The following OR51B5 variants were observed in gnomAD, a reference collection of about 807,000 sequenced individuals.
OR51B5 encodes olfactory receptor 51B5.
For synonymous variants in OR51B5, 186 were observed against 144.8 expected, an observed-to-expected ratio of 1.28 and a Z score of -2.04; for missense variants, 456 against 374.6, an observed-to-expected ratio of 1.22 and a Z score of -1.79.
intron 1 of OR51B5, chr11:5,454,571 A>C (rs1475609487): frequency 1.9e-5 from 12 of 641,016 alleles, no homozygotes; most frequent in Non-Finnish European, 2.9e-5. Context: ...TTATAACACA[A>C]AACAAGGAGT....
At chr11:5,409,061 G>A (rs902713747) in intron 1 of OR51B5, among the ~76,000 whole-genome samples, 1 of 152,106 alleles carries the variant, frequency 6.6e-6, no homozygotes, top group East Asian at 1.9e-4. Context: ...TGACTTCTAA[G>A]CAGGATGTTG....
At chr11:5,389,703 A>G (rs778490793) in intron 1 of OR51B5, 1 of 1,613,744 alleles carries the variant, frequency 6.2e-7, no homozygotes, top group Non-Finnish European at 8.5e-7. Flanking sequence ...TTTAACTCCC[A>G]TAGTATCTAC....
intron 1 of OR51B5, among the ~76,000 whole-genome samples, chr11:5,457,847 T>G (rs192219007): frequency 6.6e-6 from 1 of 152,288 alleles, no homozygotes; most frequent in East Asian, 1.9e-4. Flanking sequence ...AAACTGTTTA[T>G]AGATTCTGGA....
intron 1 of OR51B5, among the ~76,000 whole-genome samples, chr11:5,456,872 G>C (rs1230289963): frequency 6.6e-6 from 1 of 152,142 alleles, no homozygotes; most frequent in Non-Finnish European, 1.5e-5. Flanking sequence ...TAGTGAGTGA[G>C]TTCTCATGAA....
chr11:5,452,635 T>G (rs1850874705), intron 1 of OR51B5, among the ~76,000 whole-genome samples: 1 of 150,818 alleles, frequency 6.6e-6, no homozygotes, highest in Non-Finnish European at 1.5e-5. Flanking sequence ...AGCGTCTTCT[T>G]AGACTATGAA....
chr11:5,478,932 ACT>A (rs1851364964), intron 1 of OR51B5, among the ~76,000 whole-genome samples: 1 of 151,122 alleles, frequency 6.6e-6, no homozygotes, highest in Non-Finnish European at 1.5e-5. Flanking sequence ...GTTGGAAAAC[ACT>A]CTGCAGGATA....
chr11:5,396,055 C>G (rs750962524), intron 1 of OR51B5, among the ~76,000 whole-genome samples: 111 of 152,138 alleles, frequency 7.3e-4, no homozygotes, highest in Admixed American at 2.2e-3. Context: ...TTTGCACAAT[C>G]ATAGAGTGAA....
At chr11:5,374,595 G>C (rs1849494958) in intron 1 of OR51B5, among the ~76,000 whole-genome samples, 2 of 152,138 alleles carry the variant, frequency 1.3e-5, no homozygotes, top group African/African-American at 4.8e-5. Flanking sequence ...AAAAAATTTA[G>C]ATGAATGTAT....
intron 1 of OR51B5, among the ~76,000 whole-genome samples, chr11:5,424,531 C>T (rs1490571531): frequency 6.6e-6 from 1 of 152,048 alleles, no homozygotes; most frequent in Non-Finnish European, 1.5e-5. Flanking sequence ...TCCCAGTACA[C>T]AGGTAGGCAT....
At chr11:5,423,906 C>T (rs1498473) in intron 1 of OR51B5, among the ~76,000 whole-genome samples, 57,983 of 151,794 alleles carry the variant, frequency 0.38, 11,641 homozygotes, top group East Asian at 0.7. Flanking sequence ...CATTTTTTTT[C>T]CGGACCAGAG....
intron 1 of OR51B5, among the ~76,000 whole-genome samples, chr11:5,479,493 T>C (rs1415129209): frequency 2.9e-4 from 44 of 149,978 alleles, no homozygotes; most frequent in African/African-American, 1.0e-3. Flanking sequence ...AATGACAGGA[T>C]CAAATTCACA....
At chr11:5,416,554 A>C (rs1276977759) in intron 1 of OR51B5, among the ~76,000 whole-genome samples, 4 of 151,658 alleles carry the variant, frequency 2.6e-5, no homozygotes, top group Non-Finnish European at 4.4e-5. Flanking sequence ...AAATCTCCTT[A>C]AGCTGATAAG....
intron 1 of OR51B5, among the ~76,000 whole-genome samples, chr11:5,364,767 T>TC (rs1849341049): frequency 2.6e-5 from 4 of 152,144 alleles, no homozygotes; most frequent in East Asian, 1.9e-4. Flanking sequence ...GTTTACAGGG[T>TC]CCCCCCACCC....
chr11:5,496,485 C>A (rs776717379), intron 1 of OR51B5, among the ~76,000 whole-genome samples: 3 of 152,122 alleles, frequency 2.0e-5, no homozygotes, highest in Non-Finnish European at 2.9e-5. Context: ...ACTCCGATGA[C>A]ATTCTTGTGT....
At chr11:5,460,601 A>G (rs901533319) in intron 1 of OR51B5, among the ~76,000 whole-genome samples, 33 of 95,556 alleles carry the variant, frequency 3.5e-4, no homozygotes, top group Non-Finnish European at 7.1e-4. Flanking sequence ...CAATCAGGTT[A>G]AGAACCATTG....
At chr11:5,389,518 C>T in intron 1 of OR51B5, 2 of 1,614,002 alleles carry the variant, frequency 1.2e-6, no homozygotes, top group Non-Finnish European at 1.7e-6. Context: ...ACTGGATTTT[C>T]ATCCCCTTTT....
intron 1 of OR51B5, among the ~76,000 whole-genome samples, chr11:5,366,059 G>T (rs78017006): frequency 0.24 from 35,856 of 151,112 alleles, 4,436 homozygotes; most frequent in Non-Finnish European, 0.26. Context: ...CAGCATGTTT[G>T]GGGGCTGTTA....
At chr11:5,468,104 TATG>T (rs1182177074) in intron 1 of OR51B5, among the ~76,000 whole-genome samples, 1 of 152,246 alleles carries the variant, frequency 6.6e-6, no homozygotes, top group Non-Finnish European at 1.5e-5. Context: ...TCTGGGTTGA[TATG>T]ATCTCAGGTA....
At chr11:5,401,746 T>A (rs2736528) in intron 1 of OR51B5, among the ~76,000 whole-genome samples, 114,603 of 151,946 alleles carry the variant, frequency 0.75, 44,983 homozygotes, top group Non-Finnish European at 0.87. Context: ...CCACACCAAC[T>A]CAAGGCAGTC....
Sources: gnomAD v4.1 joint callset for allele counts (sites outside exome capture counted in the v4.1 genomes callset) on GRCh38, gnomAD v4.1.1 for gene constraint, MANE v1.5 for transcripts, NCBI Gene and HGNC (gene_info 2026-07-23, HGNC 2026-07-21) for gene names.